Variants in PTPRG observed in about 807,000 individuals in gnomAD.
PTPRG encodes receptor-type tyrosine-protein phosphatase gamma.
In PTPRG, 102 loss-of-function variants were observed where a neutral mutation model predicts 165.3. That is an observed-to-expected ratio of 0.62 (90% CI 0.53 to 0.73). The LOEUF (loss-of-function observed/expected upper bound fraction) is 0.73, where lower values mean the gene tolerates loss of function less well. Among genes scored for constraint, PTPRG ranks in the 30% least tolerant of loss-of-function variants. PTPRG has a pLI of 0.00. For missense variants in PTPRG, 1,866 were observed against 1,861.4 expected (o/e 1.00, Z -0.05); for synonymous variants, 675 against 669.5 (o/e 1.01, Z -0.13).
Position 61,562,307 on chromosome 3 carries a change from CGTGTT to C in PTPRG, c.22_26del (p.Cys8ValfsTer33), listed in dbSNP as rs1559503846. The stretch of plus-strand genomic sequence containing the variant: ...TCGGACATGCGGAGGTTACTGGAAC[CGTGTT>C]GGTGGATTTTGTTCCTGAAAATCAC... On this transcript the variant is annotated frameshift_variant, in exon 1 of 30. Transcript: ENST00000474889. LOFTEE classifies it high-confidence loss of function. 6.2e-7 allele frequency: 1 copy of C among 1,613,570 alleles called. No individual in the cohort carries two copies. Among genetic ancestry groups the C allele is most frequent in the Non-Finnish European group, 8.5e-7 (1 of 1,179,680 alleles).
At chr3:61,880,900 A>G (rs976764748) in intron 2 of PTPRG, among the ~76,000 whole-genome samples, 12 of 151,308 alleles carry the variant, frequency 7.9e-5, no homozygotes, top group Non-Finnish European at 1.2e-4. Flanking sequence ...GAGATTTCCA[A>G]TGGGGTCAGT....
intron 28 of PTPRG, 95 bp downstream of exon 28, chr3:62,282,964 T>TATCA (rs1314797287): frequency 3.1e-5 from 36 of 1,159,240 alleles, no homozygotes; most frequent in African/African-American, 3.2e-5. Context: ...TTTTAAAACC[T>TATCA]ATCAACAACC....
chr3:62,066,551 T>C (rs1168204071), intron 4 of PTPRG, among the ~76,000 whole-genome samples: 1 of 152,154 alleles, frequency 6.6e-6, no homozygotes, highest in Non-Finnish European at 1.5e-5. Flanking sequence ...GTTTTTGAAA[T>C]ACAAATGAGT....
At chr3:61,878,432 T>G (rs1384212525) in intron 2 of PTPRG, among the ~76,000 whole-genome samples, 2 of 152,142 alleles carry the variant, frequency 1.3e-5, no homozygotes, top group African/African-American at 2.4e-5. Flanking sequence ...TTGTTGTTTG[T>G]TTTTAGTTTG....
At chr3:62,119,276 A>G (rs1195293595) in intron 5 of PTPRG, among the ~76,000 whole-genome samples, 2 of 152,236 alleles carry the variant, frequency 1.3e-5, no homozygotes, top group South Asian at 2.1e-4. Context: ...GGAATTGACA[A>G]ACAGACTGGT....
chr3:61,876,632 G>C (rs1318228813), intron 2 of PTPRG, among the ~76,000 whole-genome samples: 1 of 152,120 alleles, frequency 6.6e-6, no homozygotes, highest in Non-Finnish European at 1.5e-5. Flanking sequence ...TTCCGGGCTG[G>C]GCGTGGTGGC....
chr3:62,048,152 A>T (rs1700356273), intron 4 of PTPRG, among the ~76,000 whole-genome samples: 1 of 152,142 alleles, frequency 6.6e-6, no homozygotes. Context: ...AGAAGAGAGG[A>T]TGAATTTTGT....
intron 1 of PTPRG, among the ~76,000 whole-genome samples, chr3:61,648,367 A>T (rs1702261975): frequency 6.6e-6 from 1 of 152,192 alleles, no homozygotes; most frequent in Admixed American, 6.5e-5. Context: ...CCTGCCTTGA[A>T]TGCCTTCCTG....
chr3:61,648,666 A>C (rs1183944389), intron 1 of PTPRG, among the ~76,000 whole-genome samples: 1 of 152,192 alleles, frequency 6.6e-6, no homozygotes, highest in Admixed American at 6.5e-5. Flanking sequence ...ACACACACTC[A>C]TTTGGCTGCC....
intron 3 of PTPRG, among the ~76,000 whole-genome samples, chr3:61,999,351 G>T (rs925799312): frequency 6.6e-6 from 1 of 152,072 alleles, no homozygotes; most frequent in African/African-American, 2.4e-5. Flanking sequence ...CTGGCCTGGG[G>T]ATCTCGTTTT....
chr3:61,820,762 A>C (rs906625072), intron 2 of PTPRG, among the ~76,000 whole-genome samples: 1 of 152,000 alleles, frequency 6.6e-6, no homozygotes, highest in African/African-American at 2.4e-5. Context: ...ACAGCTAGCT[A>C]TAGCATTCAT....
intron 2 of PTPRG, among the ~76,000 whole-genome samples, chr3:61,888,256 G>A (rs1043117750): frequency 6.6e-6 from 1 of 151,648 alleles, no homozygotes; most frequent in East Asian, 1.9e-4. Context: ...TATTAGTGAA[G>A]TTTTAGACGT....
intron 1 of PTPRG, among the ~76,000 whole-genome samples, chr3:61,672,180 C>T (rs1052953373): frequency 1.4e-5 from 2 of 138,588 alleles, no homozygotes; most frequent in African/African-American, 5.5e-5. Context: ...GGAAGAGGCG[C>T]TCCTCACTTC....
At position 62,282,853 on chromosome 3, in the gene PTPRG, A is replaced by G. The variant is rs199914909; in HGVS notation, c.4039A>G (p.Thr1347Ala). ...KEEALTRDGP[T>A]IVHDEYGAVS... ...AGAGGCCTTAACAAGGGATGGTCCC[A>G]CCATTGTTCATGATGAGTATGTATC... Residue 1347 changes from threonine (T) to alanine (A), a missense_variant, in exon 28 of 30, where the codon ACC becomes GCC. Around this residue, in one of 3 missense-constraint regions of PTPRG, gnomAD observed 1,452 missense variants for 1,463.0 expected, o/e 0.99. Transcript: ENST00000474889. 1,073 of 1,608,764 alleles carry G rather than the reference A, an allele frequency of 6.7e-4. 1 individual carries two copies. The highest frequency in any genetic ancestry group is 8.1e-4 in the South Asian group (73 of 90,178).
At chr3:62,171,854 A>G (rs1298131824) in intron 8 of PTPRG, among the ~76,000 whole-genome samples, 1 of 152,076 alleles carries the variant, frequency 6.6e-6, no homozygotes, top group Non-Finnish European at 1.5e-5. Context: ...ATCACCCCAA[A>G]AAGAAACTCC....
intron 23 of PTPRG, among the ~76,000 whole-genome samples, chr3:62,274,399 G>A (rs1354283786): frequency 6.6e-6 from 1 of 152,106 alleles, no homozygotes; most frequent in Non-Finnish European, 1.5e-5. Context: ...AAGTGAAGGT[G>A]AAAAAGAGAG....
At chr3:61,762,885 T>C (rs2106976158) in intron 2 of PTPRG, among the ~76,000 whole-genome samples, 1 of 152,192 alleles carries the variant, frequency 6.6e-6, no homozygotes, top group South Asian at 2.1e-4. Context: ...TTGCCATCCT[T>C]AGTGGGTAGG....
intron 1 of PTPRG, among the ~76,000 whole-genome samples, chr3:61,678,627 C>G (rs1474349086): frequency 6.6e-6 from 1 of 152,128 alleles, no homozygotes; most frequent in Non-Finnish European, 1.5e-5. Context: ...GCCGAGAGAT[C>G]AACGTGAATT....
intron 5 of PTPRG, among the ~76,000 whole-genome samples, chr3:62,108,753 G>A (rs535134045): frequency 8.5e-5 from 13 of 152,182 alleles, no homozygotes; most frequent in South Asian, 6.2e-4. Context: ...GGTGTGAGAC[G>A]GTATCTCATT....
Sources: allele counts gnomAD v4.1 joint callset (sites outside exome capture counted in the v4.1 genomes callset), GRCh38; gene constraint gnomAD v4.1.1; regional missense constraint gnomAD v4.1.1; transcripts MANE v1.5; gene names NCBI Gene and HGNC (gene_info 2026-07-23, HGNC 2026-07-21).